The following SAMMSON variants were observed in gnomAD, a reference collection of about 807,000 sequenced individuals.
The protein encoded by SAMMSON is survival associated mitochondrial melanoma specific oncogenic non-coding RNA.
intron 4 of SAMMSON, among the ~76,000 whole-genome samples, chr3:70,240,074 A>C (rs530264951): frequency 6.6e-6 from 1 of 152,220 alleles, no homozygotes; most frequent in East Asian, 1.9e-4. Context: ...ATCAGTATGG[A>C]TTTTACACAG....
chr3:70,222,821 TA>T (rs1216608448), intron 4 of SAMMSON, among the ~76,000 whole-genome samples: 2 of 152,182 alleles, frequency 1.3e-5, no homozygotes, highest in African/African-American at 4.8e-5. Flanking sequence ...GATAGCTCCA[TA>T]AGTCATTAGA....
chr3:70,268,029 TCTCCTCCTC>T (rs201481273), intron 6 of SAMMSON, among the ~76,000 whole-genome samples: 1 of 149,334 alleles, frequency 6.7e-6, no homozygotes, highest in African/African-American at 2.5e-5. Flanking sequence ...TCTTCCTCTT[TCTCCTCCTC>T]CTCCTCCTCC....
chr3:70,290,853 T>G (rs1702230409), intron 6 of SAMMSON, among the ~76,000 whole-genome samples: 1 of 152,138 alleles, frequency 6.6e-6, no homozygotes, highest in South Asian at 2.1e-4. Context: ...TTTCTTTGAC[T>G]AGGAAAGGGA....
intron 4 of SAMMSON, among the ~76,000 whole-genome samples, chr3:70,135,019 T>G (rs2067499967): frequency 6.6e-6 from 1 of 152,196 alleles, no homozygotes; most frequent in Admixed American, 6.5e-5. Context: ...ATTTGTATTT[T>G]TATCTGCACT....
intron 4 of SAMMSON, among the ~76,000 whole-genome samples, chr3:70,228,414 G>A (rs1026626186): frequency 5.3e-5 from 8 of 151,622 alleles, no homozygotes; most frequent in Non-Finnish European, 8.8e-5. Flanking sequence ...TATGACTGAC[G>A]TTAGGCTGCC....
intron 9 of SAMMSON, among the ~76,000 whole-genome samples, chr3:70,364,059 A>G (rs966881059): frequency 1.3e-5 from 2 of 151,716 alleles, no homozygotes; most frequent in South Asian, 2.1e-4. Context: ...CTTTCCTCCT[A>G]ATACTTAATA....
chr3:70,021,483 T>C (rs1248748363), intron 3 of SAMMSON, among the ~76,000 whole-genome samples: 2 of 152,176 alleles, frequency 1.3e-5, no homozygotes, highest in East Asian at 3.9e-4. Context: ...AGTGGCAAAA[T>C]GCTAAAAGAG....
chr3:70,323,621 G>C (rs992501880), intron 7 of SAMMSON, among the ~76,000 whole-genome samples: 1 of 152,144 alleles, frequency 6.6e-6, no homozygotes, highest in African/African-American at 2.4e-5. Context: ...TTTCCAGCTA[G>C]GGAGGGCCAC....
At chr3:70,035,111 A>G (rs891982133) in intron 3 of SAMMSON, among the ~76,000 whole-genome samples, 1 of 151,948 alleles carries the variant, frequency 6.6e-6, no homozygotes, top group African/African-American at 2.4e-5. Context: ...AATTATGTGA[A>G]GGGGGGGATT....
chr3:70,097,461 A>G (rs560599036), intron 4 of SAMMSON, among the ~76,000 whole-genome samples: 2 of 152,346 alleles, frequency 1.3e-5, no homozygotes, highest in East Asian at 3.9e-4. Context: ...CTATTTTTAT[A>G]AAGCATCTAG....
intron 2 of SAMMSON, among the ~76,000 whole-genome samples, chr3:70,397,840 T>C (rs754213296): frequency 2.6e-5 from 4 of 152,220 alleles, no homozygotes; most frequent in Non-Finnish European, 5.9e-5. Flanking sequence ...TACTTGCTGA[T>C]ATATTAGACA....
chr3:70,229,134 G>A (rs1432480714), intron 4 of SAMMSON, among the ~76,000 whole-genome samples: 1 of 152,104 alleles, frequency 6.6e-6, no homozygotes, highest in Admixed American at 6.5e-5. Context: ...TTTATCAAAA[G>A]CATAACACTT....
intron 2 of SAMMSON, among the ~76,000 whole-genome samples, chr3:70,434,367 T>G (rs1489019516): frequency 6.6e-6 from 1 of 152,216 alleles, no homozygotes; most frequent in Non-Finnish European, 1.5e-5. Flanking sequence ...TATATCTAAG[T>G]ATTTAATTTT....
At chr3:70,195,237 A>G (rs1423015465) in intron 4 of SAMMSON, among the ~76,000 whole-genome samples, 1 of 152,084 alleles carries the variant, frequency 6.6e-6, no homozygotes, top group Non-Finnish European at 1.5e-5. Context: ...CTAATGATCT[A>G]CAAGTTCTAT....
chr3:70,077,858 A>G (rs907675292), intron 4 of SAMMSON, among the ~76,000 whole-genome samples: 2 of 152,146 alleles, frequency 1.3e-5, no homozygotes, highest in African/African-American at 4.8e-5. Context: ...CAAATGACCC[A>G]CGGAAGAAAT....
intron 4 of SAMMSON, among the ~76,000 whole-genome samples, chr3:70,196,652 T>C (rs1476474918): frequency 6.6e-6 from 1 of 152,172 alleles, no homozygotes; most frequent in Non-Finnish European, 1.5e-5. Context: ...TCAAGAAACA[T>C]CTTGTACCTA....
intron 4 of SAMMSON, among the ~76,000 whole-genome samples, chr3:70,221,187 C>G (rs1320617730): frequency 6.6e-6 from 1 of 152,080 alleles, no homozygotes; most frequent in Non-Finnish European, 1.5e-5. Context: ...AGTTTCCTCT[C>G]CCACATACCC....
chr3:70,305,780 T>C (rs1383927542), intron 7 of SAMMSON, among the ~76,000 whole-genome samples: 2 of 152,246 alleles, frequency 1.3e-5, no homozygotes, highest in Non-Finnish European at 2.9e-5. Context: ...TTTATGAATG[T>C]CAATAAATGT....
intron 4 of SAMMSON, among the ~76,000 whole-genome samples, chr3:70,245,672 T>C (rs2106645567): frequency 6.8e-5 from 1 of 14,702 alleles, no homozygotes. Flanking sequence ...CAAACTGCTT[T>C]ATATATATAT....
Sources: gnomAD v4.1 joint callset for allele counts (sites outside exome capture counted in the v4.1 genomes callset) on GRCh38, gnomAD v4.1.1 for gene constraint, MANE v1.5 for transcripts, NCBI Gene and HGNC (gene_info 2026-07-23, HGNC 2026-07-21) for gene names.